Variants in LPIN1 observed in about 807,000 individuals in gnomAD.
LPIN1 encodes phosphatidate phosphatase LPIN1.
In LPIN1, 71 loss-of-function variants were observed where a neutral mutation model predicts 107.5. The observed-to-expected ratio is 0.66, with a 90% CI of 0.55 to 0.80. LPIN1 has a LOEUF of 0.80. LPIN1 is among the 30% of genes least tolerant of loss of function. The pLI is 0.00. For synonymous variants in LPIN1, 445 were observed against 452.6 expected (o/e 0.98, Z 0.21); for missense variants, 1,043 against 1,160.6 (o/e 0.90, Z 1.47).
chr2:11,733,023 G>A (rs1279513546), intron 1 of LPIN1, among the ~76,000 whole-genome samples: 2 of 151,722 alleles, frequency 1.3e-5, no homozygotes, highest in Non-Finnish European at 2.9e-5. Flanking sequence ...GGAAAAGACT[G>A]GATGGGGGGA....
At chr2:11,711,850 TCTC>T (rs1333116321) in intron 1 of LPIN1, among the ~76,000 whole-genome samples, 34 of 152,176 alleles carry the variant, frequency 2.2e-4, no homozygotes, top group Non-Finnish European at 4.6e-4. Context: ...TGATCATCCC[TCTC>T]CTCCTCTGTA....
rs1310363739 is a variant in LPIN1 at position 11,825,704 on chromosome 2, T to C, written c.*913T>C. 6.6e-6 allele frequency: 1 copy of C among 152,550 alleles called. No individual in the cohort carries two copies. The highest frequency in any genetic ancestry group is 2.4e-5 in the African/African-American group (1 of 41,452). The allele number at this position is 152,550 out of a possible 1,614,324, so 9.4% of individuals were successfully genotyped here. ...CACTTATGCCAAATGATAATGATAC[T>C]GACTTCTGTTGGGAGCTCTCCAAAG... On this transcript the variant is annotated 3_prime_UTR_variant, in exon 21 of 21. Transcript: ENST00000674199. The surrounding 1 kb of genome is among the most constrained non-coding windows in gnomAD (Gnocchi z 4.1).
At position 11,730,472 on chromosome 2, in the gene LPIN1, A is replaced by G. The variant is rs572478955; in HGVS notation, c.-72+5933A>G. Among the ~76,000 whole-genome samples, 11 of 152,326 alleles carry G rather than the reference A, an allele frequency of 7.2e-5. No homozygotes were observed. The South Asian group carries it at 2.1e-3, about 29-fold the overall frequency. ...AGCATAATTTTCTTTTAAAAAGTCC[A>G]TGTCTGATAGTTCCAGCATCTGTGT... On this transcript the variant is annotated intron_variant, in intron 1 of 21. Transcript: ENST00000396097.
rs888706604 is a variant in LPIN1, at chr2:11,820,498, A to G, written c.2605A>G (p.Lys869Glu). Reference protein sequence around the residue: ...PKGELVQEHAKTNISSYVRLC... With the variant: ...PKGELVQEHAETNISSYVRLC... ...AGGAGAGCTGGTACAGGAACATGCA[A>G]AGACCAACATCTCTTCGTGAGTATT... is the stretch of plus-strand genomic sequence containing the variant. Residue 869 changes from lysine (K) to glutamate (E), a missense_variant, in exon 20 of 21, where the codon AAG becomes GAG. Lys to Glu is a moderately conservative substitution (Grantham distance 56). Transcript: ENST00000674199. 8 of 1,610,238 alleles carry G rather than the reference A, an allele frequency of 5.0e-6. No homozygotes were observed. In the African/African-American group the frequency reaches 5.3e-5, roughly 11 times the overall value.
In LPIN1 at chr2:11,765,032, A is replaced by G. The variant is rs553388057; in HGVS notation, c.-9-501A>G. The stretch of plus-strand genomic sequence containing the variant: ...TTGGGGTGATAGGCCGTGATGGGCC[A>G]TGATGGGCTGTGATGGATCCTGATG... On this transcript the variant is annotated intron_variant, in intron 1 of 20. Coordinates refer to ENST00000674199, the MANE Select transcript of LPIN1 (RefSeq NM_001349206.2). This position sits in a 1 kb window ranked among gnomAD's most constrained non-coding sequence, Gnocchi z 4.4. 1.1e-4 allele frequency among the ~76,000 whole-genome samples: 16 copies of G among 151,434 alleles called. No homozygotes were observed. In the South Asian group the frequency reaches 2.9e-3, roughly 28 times the overall value.
chr2:11,788,349 C>T, intron 11 of LPIN1, 38 bp from the exon 12 acceptor site: 1 of 1,518,078 alleles, frequency 6.6e-7, no homozygotes, highest in Non-Finnish European at 9.2e-7. Flanking sequence ...CAGTCTGAGC[C>T]TCGGTTTTTT....
At chr2:11,690,302 T>C (rs1437618091) in intron 1 of LPIN1, among the ~76,000 whole-genome samples, 1 of 152,170 alleles carries the variant, frequency 6.6e-6, no homozygotes, top group Non-Finnish European at 1.5e-5. Flanking sequence ...TTTTCTTGAA[T>C]GGTGGTTTAG....
At chr2:11,799,940 G>A (rs1322538327) in intron 14 of LPIN1, among the ~76,000 whole-genome samples, 1 of 152,192 alleles carries the variant, frequency 6.6e-6, no homozygotes. Flanking sequence ...AGCCCCCAAT[G>A]TCATGGCGTT....
At chr2:11,724,820 G>T (rs13421506) in intron 1 of LPIN1, among the ~76,000 whole-genome samples, 12,582 of 152,264 alleles carry the variant, frequency 0.083, 660 homozygotes, top group African/African-American at 0.15. Context: ...CTGTTTGCTG[G>T]TTCGCTCTGG....
At position 11,697,779 on chromosome 2, in the gene LPIN1, T is replaced by C. The variant is rs1662662382; in HGVS notation, c.82-15977T>C. ...TCTGGGTACCAAATGCCCCGGGCCT[T>C]GTGTCCTTCCCCATTTACAACCCCC... is the stretch of plus-strand genomic sequence containing the variant. On this transcript the variant is annotated intron_variant, in intron 1 of 21. Coordinates refer to the LPIN1 transcript ENST00000449576. This position sits in a 1 kb window ranked among gnomAD's most constrained non-coding sequence, Gnocchi z 4.6. Among the ~76,000 whole-genome samples the C allele has an allele frequency of 6.6e-6, 1 of 152,104 alleles. No homozygotes were observed. The highest frequency in any genetic ancestry group is 1.5e-5 in the Non-Finnish European group (1 of 68,010).
chr2:11,753,785 A>G (rs916900469), intron 1 of LPIN1, among the ~76,000 whole-genome samples: 5 of 152,282 alleles, frequency 3.3e-5, no homozygotes, highest in African/African-American at 9.6e-5. Flanking sequence ...TTATAAATCA[A>G]TTTCATTTTC....
At position 11,767,757 on chromosome 2, in the gene LPIN1, C is replaced by T; in HGVS notation, c.193-6C>T. ...CATTCTTTTCTTAACCATGTTTTCC[C>T]TTCAGGTTGACATAGAAATCAATGG... On this transcript the variant is annotated splice_region_variant and splice_polypyrimidine_tract_variant and intron_variant, in intron 2 of 20. Coordinates refer to ENST00000674199, the MANE Select transcript of LPIN1 (RefSeq NM_001349206.2). 6.3e-7 allele frequency: 1 copy of T among 1,587,974 alleles called. No homozygotes were observed.
Position 11,805,151 on chromosome 2 carries a change from G to T in LPIN1, c.2244G>T (p.Val748=), listed in dbSNP as rs775695814. 5 of 1,612,840 alleles carry T rather than the reference G, an allele frequency of 3.1e-6. No homozygotes were observed. The highest frequency in any genetic ancestry group is 3.4e-6 in the Non-Finnish European group (4 of 1,178,796). ...GCATCGCTAAGCTGTACCATAAAGT[G>T]AGCCAGTGAGTACAGAGTTCCTGTT... ...HQGIAKLYHK[V]SQNGYKFLYC... Residue 748 remains valine, a synonymous_variant, in exon 17 of 21, where the codon GTG becomes GTT. Transcript: ENST00000674199.
At chr2:11,736,547 G>GT (rs1572475225) in intron 1 of LPIN1, among the ~76,000 whole-genome samples, 1 of 152,214 alleles carries the variant, frequency 6.6e-6, no homozygotes, top group East Asian at 1.9e-4. Context: ...GGGGACTAGG[G>GT]TTTCAACAGA....
intron 20 of LPIN1, among the ~76,000 whole-genome samples, chr2:11,821,532 C>T (rs1408742536): frequency 6.6e-6 from 1 of 152,148 alleles, no homozygotes; most frequent in Non-Finnish European, 1.5e-5. Flanking sequence ...ACAAAAGAGC[C>T]TCTGGCCTTA....
intron 12 of LPIN1, 131 bp from the exon 13 acceptor site, chr2:11,791,783 A>T: frequency 6.6e-7 from 1 of 1,503,998 alleles, no homozygotes; most frequent in Non-Finnish European, 8.9e-7. Flanking sequence ...TAACGCACAA[A>T]TAGTATGTTG....
Position 11,783,894 on chromosome 2 carries a change from G to A in LPIN1, c.1330G>A (p.Glu444Lys). The A allele has an allele frequency of 6.2e-7, 1 of 1,614,210 alleles. No individual in the cohort carries two copies. Among genetic ancestry groups the A allele is most frequent in the Non-Finnish European group, 8.5e-7 (1 of 1,180,020 alleles). The change falls in exon 9 of 21, where the codon GAA becomes AAA. Residue 444 changes from glutamate to lysine, a missense_variant. Physicochemically the swap from Glu to Lys is moderately conservative, Grantham distance 56. Transcript: ENST00000674199. The part of the protein sequence containing the change: ...YLDDLTDMDP[E>K]VAALYFPKNG... ...GGATGACCTCACAGACATGGATCCTGAAGTGGCGGCCCTGTATTTTCCCAA... is the reference window on the plus strand; with the variant it reads ...GGATGACCTCACAGACATGGATCCTAAAGTGGCGGCCCTGTATTTTCCCAA...
At chr2:11,724,703 G>GACCTGT in intron 1 of LPIN1, 3 of 915,992 alleles carry the variant, frequency 3.3e-6, no homozygotes, top group Non-Finnish European at 3.9e-6. Flanking sequence ...CGGTGACACA[G>GACCTGT]GTCAATGTGT....
At chr2:11,683,083 C>A (rs1206880950) in intron 1 of LPIN1, 2 of 152,208 alleles carry the variant, frequency 1.3e-5, no homozygotes, top group African/African-American at 4.8e-5. Flanking sequence ...TAAAGCAAGG[C>A]CTTCAACAAG....
Sources: gnomAD v4.1 joint callset for allele counts (sites outside exome capture counted in the v4.1 genomes callset) on GRCh38, gnomAD v4.1.1 for gene constraint, Gnocchi (gnomAD v3.1) non-coding constraint, MANE v1.5 for transcripts, NCBI Gene and HGNC (gene_info 2026-07-23, HGNC 2026-07-21) for gene names.